CACNG6: variants seen among roughly 807,000 people sequenced by gnomAD.
CACNG6 encodes the protein voltage-dependent calcium channel gamma-6 subunit.
CACNG6 carries 21 observed loss-of-function variants against 23.9 expected under a neutral mutation model. The observed-to-expected ratio is 0.88, with a 90% CI of 0.62 to 1.26. The LOEUF is 1.26. Among genes scored for constraint, CACNG6 ranks in the 50% most tolerant of loss-of-function variants. The pLI is 0.00. For synonymous variants in CACNG6, 182 were observed against 168.9 expected, an observed-to-expected ratio of 1.08 and a Z score of -0.60; for missense variants, 340 against 352.9, an observed-to-expected ratio of 0.96 and a Z score of 0.29.
Position 54,005,326 on chromosome 19 carries a change from C to T in CACNG6, c.544+5555C>T, listed in dbSNP as rs776301895. 4.1e-4 allele frequency among the ~76,000 whole-genome samples: 61 copies of T among 150,268 alleles called. 1 individual carries two copies. The highest frequency in any genetic ancestry group is 1.5e-4 in the Non-Finnish European group (10 of 67,542). ...CTGCAATCCCAGCACTTTGGGAGGG[C>T]GAGGTACGTGATCCCTTGAGCCCAG... On this transcript the variant is annotated intron_variant, in intron 3 of 3. Transcript: ENST00000252729.
chr19:54,002,905 G>A (rs1275817199), intron 3 of CACNG6, among the ~76,000 whole-genome samples: 1 of 152,132 alleles, frequency 6.6e-6, no homozygotes, highest in African/African-American at 2.4e-5. Flanking sequence ...ACATATATCA[G>A]CTGTTGTTCT....
chr19:53,991,512 G>A (rs1243675348), upstream of CACNG6, among the ~76,000 whole-genome samples: 1 of 150,804 alleles, frequency 6.6e-6, no homozygotes, highest in Non-Finnish European at 1.5e-5. Context: ...GGATCCCTAT[G>A]GCAACAGGCG....
intron 2 of CACNG6, among the ~76,000 whole-genome samples, chr19:53,998,808 G>A (rs2069547654): frequency 6.6e-6 from 1 of 151,912 alleles, no homozygotes; most frequent in Admixed American, 6.6e-5. Context: ...ACTGCACCTA[G>A]CTGTGCCTAG....
intron 3 of CACNG6, among the ~76,000 whole-genome samples, chr19:54,011,206 ATATATAT>A (rs1326252723): frequency 1.0e-5 from 1 of 99,708 alleles, no homozygotes; most frequent in Non-Finnish European, 1.8e-5. Flanking sequence ...AAAAAAAAAA[ATATATAT>A]ATATATATAT....
At chr19:54,004,657 G>C (rs1007803842) in intron 3 of CACNG6, among the ~76,000 whole-genome samples, 1 of 152,102 alleles carries the variant, frequency 6.6e-6, no homozygotes, top group Non-Finnish European at 1.5e-5. Context: ...TCCCTCTCCT[G>C]CCACCTGCTC....
intron 2 of CACNG6, 128 bp downstream of exon 2, chr19:53,998,441 C>A: frequency 2.7e-6 from 2 of 744,476 alleles, no homozygotes; most frequent in Non-Finnish European, 4.5e-6. Flanking sequence ...TAATCTGTGG[C>A]TGTCCCCTGG....
chr19:53,994,102 G>A (rs1333410746), intron 1 of CACNG6, among the ~76,000 whole-genome samples: 1 of 152,072 alleles, frequency 6.6e-6, no homozygotes, highest in Non-Finnish European at 1.5e-5. Flanking sequence ...AGACAGCCTG[G>A]GTTCCTGGTG....
In CACNG6 at chr19:54,012,335, C is replaced by G; in HGVS notation, c.*146C>G. On this transcript the variant is annotated 3_prime_UTR_variant, in exon 4 of 4. Coordinates refer to ENST00000252729, the MANE Select transcript of CACNG6 (RefSeq NM_145814.2). ...TTTTTTTACACGCCTGCCTCCTGTC[C>G]CCTTATCCTTTCTCCCTCTGTAAAT... 2.1e-6 allele frequency: 1 copy of G among 467,814 alleles called. No individual in the cohort carries two copies. Among genetic ancestry groups the G allele is most frequent in the South Asian group, 6.2e-5 (1 of 16,078 alleles). The allele number at this position is 467,814 out of a possible 1,614,324, so 29.0% of individuals were successfully genotyped here. A position where few individuals can be genotyped will look rare whatever the true frequency, so the allele number is the denominator to read the frequency against.
intron 3 of CACNG6, among the ~76,000 whole-genome samples, chr19:54,011,225 T>TACACACACACACACACAC (rs1325176394): frequency 1.2e-3 from 131 of 110,314 alleles, no homozygotes; most frequent in African/African-American, 5.0e-3. Context: ...TATATATATA[T>TACACACACACACACACAC]ATACACACAC....
chr19:53,994,943 C>T (rs1449671595), intron 1 of CACNG6, among the ~76,000 whole-genome samples: 2 of 152,164 alleles, frequency 1.3e-5, no homozygotes, highest in Admixed American at 1.3e-4. Context: ...AGAATAGTAG[C>T]TGCTTATGTA....
chr19:53,998,252 C>G lies in CACNG6; in HGVS notation c.345C>G (p.Thr115=). ...CTGCTCCCACAGAAGCAAACTGCACCTATTTTAAATTCTTCACCACGGGGG... is the reference window on the plus strand; with the variant it reads ...CTGCTCCCACAGAAGCAAACTGCACGTATTTTAAATTCTTCACCACGGGGG... The part of the protein sequence containing the change: ...PAELPGEANC[T]YFKFFTTGEN... Residue 115 remains threonine, a synonymous_variant, in exon 2 of 4, where the codon ACC becomes ACG. Transcript: ENST00000252729. 1 of 1,613,994 alleles carries G rather than the reference C, an allele frequency of 6.2e-7. No individual in the cohort carries two copies. Among genetic ancestry groups the G allele is most frequent in the Non-Finnish European group, 8.5e-7 (1 of 1,179,922 alleles).
chr19:53,999,177 A>G (rs1337567855), intron 2 of CACNG6, among the ~76,000 whole-genome samples: 2 of 152,138 alleles, frequency 1.3e-5, no homozygotes, highest in Non-Finnish European at 1.5e-5. Context: ...ACAGGAGGAA[A>G]TTTAGGCTGA....
chr19:54,004,338 TGTGTGTGTG>T (rs2069614095), intron 3 of CACNG6, among the ~76,000 whole-genome samples: 150 of 20,714 alleles, frequency 7.2e-3, no homozygotes, highest in South Asian at 0.023. Flanking sequence ...TGTATTTTTG[TGTGTGTGTG>T]TGTGTGTGTG....
chr19:53,992,690 T>C lies in CACNG6; in HGVS notation c.-188T>C. On this transcript the variant is annotated 5_prime_UTR_variant, in exon 1 of 4. Transcript: ENST00000252729. This position sits in a 1 kb window ranked among gnomAD's most constrained non-coding sequence, Gnocchi z 4.1. ...AGCCCTGGGGATCATTTTTCTCTTC[T>C]GAACCCCAGAAGCAATCTCGACTTT... The C allele has an allele frequency of 5.2e-6, 2 of 386,808 alleles. No homozygotes were observed. The highest frequency in any genetic ancestry group is 9.1e-6 in the Non-Finnish European group (2 of 220,690). The allele number at this position is 386,808 out of a possible 1,614,324, so 24.0% of individuals were successfully genotyped here.
chr19:54,011,245 C>CACACACACAA (rs1303960028), intron 3 of CACNG6, among the ~76,000 whole-genome samples: 3 of 132,092 alleles, frequency 2.3e-5, no homozygotes, highest in Admixed American at 8.0e-5. Flanking sequence ...CACACACACA[C>CACACACACAA]AAAAATTAGC....
Position 54,012,169 on chromosome 19 carries a change from C to T in CACNG6, c.763C>T (p.Arg255Trp), listed in dbSNP as rs1351452611. 2 of 1,429,520 alleles carry T rather than the reference C, an allele frequency of 1.4e-6. No homozygotes were observed. Among genetic ancestry groups the T allele is most frequent in the Admixed American group, 2.5e-5 (1 of 39,490 alleles). The allele number at this position is 1,429,520 out of a possible 1,614,324, so 88.6% of individuals were successfully genotyped here. Residue 255 changes from arginine to tryptophan, a missense_variant, in exon 4 of 4, where the codon CGG becomes TGG. Arg to Trp is a moderately radical substitution (Grantham distance 101). Transcript: ENST00000252729. ...GCCCTGGGGGTCCCTCTGTCCCAAG[C>T]GGGGGCACCGGGCCACCTAGAGCCA... ...SWPWGSLCPKRGHRAT is the reference protein window; with the variant it reads ...SWPWGSLCPKWGHRAT
At position 54,004,900 on chromosome 19, in the gene CACNG6, A is replaced by AAAATAAATAAATAAATAAATAAAT. The variant is rs57494617; in HGVS notation, c.544+5133_544+5156dup. Reference sequence around the variant, plus strand: ...TCATTTGGTATCCAAGAAAATGTTAAAAATAAATAAATAAATAAATAAATA... The same window carrying AAAATAAATAAATAAATAAATAAAT: ...TCATTTGGTATCCAAGAAAATGTTAAAAATAAATAAATAAATAAATAAATAAATAAATAAATAAATAAATAAATA... On this transcript the variant is annotated intron_variant, in intron 3 of 3. Coordinates refer to ENST00000252729, the MANE Select transcript of CACNG6 (RefSeq NM_145814.2). Among the ~76,000 whole-genome samples the AAAATAAATAAATAAATAAATAAAT allele has an allele frequency of 6.9e-4, 105 of 151,594 alleles. 2 individuals are homozygous for AAAATAAATAAATAAATAAATAAAT. The highest frequency in any genetic ancestry group is 2.4e-3 in the African/African-American group (100 of 41,078).
At chr19:53,995,893 C>T (rs187986058) in intron 1 of CACNG6, among the ~76,000 whole-genome samples, 44 of 152,328 alleles carry the variant, frequency 2.9e-4, no homozygotes, top group African/African-American at 1.0e-3. Context: ...AACTCCTGAC[C>T]TCAGGTGATC....
At chr19:53,994,182 C>T (rs78031213) in intron 1 of CACNG6, among the ~76,000 whole-genome samples, 2,931 of 152,212 alleles carry the variant, frequency 0.019, 49 homozygotes, top group Non-Finnish European at 0.028. Flanking sequence ...GACAGACGCC[C>T]ACCCCAAAGC....
Sources: gnomAD v4.1 joint callset for allele counts (sites outside exome capture counted in the v4.1 genomes callset) on GRCh38, gnomAD v4.1.1 for gene constraint, Gnocchi (gnomAD v3.1) non-coding constraint, MANE v1.5 for transcripts, NCBI Gene and HGNC (gene_info 2026-07-23, HGNC 2026-07-21) for gene names.